AATF: variants seen among roughly 807,000 people sequenced by gnomAD.
AATF encodes the protein apoptosis antagonizing transcription factor.
AATF carries 48 observed loss-of-function variants against 63.7 expected under a neutral mutation model. The ratio of observed to expected loss-of-function variants is 0.75; its 90% CI spans 0.60 to 0.96. The LOEUF (loss-of-function observed/expected upper bound fraction) is 0.96, where lower values mean the gene tolerates loss of function less well. Among genes scored for constraint, AATF ranks in the 40% least tolerant of loss-of-function variants. The pLI, the probability that AATF is intolerant of heterozygous loss-of-function variation, is 0.00. For missense variants in AATF, 639 were observed against 685.7 expected (o/e 0.93, Z 0.76); for synonymous variants, 258 against 247.7 (o/e 1.04, Z -0.39).
At position 36,970,537 on chromosome 17, in the gene AATF, T is replaced by TC. The variant is rs201835590; in HGVS notation, c.833-16080_833-16079insC. 2.3e-3 allele frequency among the ~76,000 whole-genome samples: 214 copies of TC among 93,208 alleles called. 1 individual carries two copies. The highest frequency in any genetic ancestry group is 0.014 in the African/African-American group (210 of 15,056). 61.1% of individuals were successfully genotyped at this position (93,208 alleles called of 152,430 possible). ...AGAATGGATAGTTTCTTTCTTTCTT[T>TC]TTTCTTTTTTTTTTTTTTTTTAAGA... On this transcript the variant is annotated intron_variant, in intron 4 of 11. Transcript: ENST00000619387.
At chr17:36,952,801 G>A (rs1394072963) in intron 2 of AATF, 85 bp from the exon 3 acceptor site, 4 of 1,522,310 alleles carry the variant, frequency 2.6e-6, no homozygotes, top group Middle Eastern at 4.7e-4. Context: ...TGATGCCACA[G>A]TGCTTAAGTT....
intron 11 of AATF, chr17:37,045,677 AC>A (rs2071683831): frequency 6.6e-6 from 1 of 152,308 alleles, no homozygotes; most frequent in Non-Finnish European, 1.5e-5. Flanking sequence ...GGGAAACACA[AC>A]TGTACAGCCA....
Position 37,029,928 on chromosome 17 carries a change from C to T in AATF, c.1548-1686C>T, listed in dbSNP as rs2071540136. On this transcript the variant is annotated intron_variant, in intron 10 of 11. Transcript: ENST00000619387. ...ATGTTGCCCAGGCTGGTCTTGAACTCCTGGGCTCAGGTGATCTTCTGCCTG... is the reference window on the plus strand; with the variant it reads ...ATGTTGCCCAGGCTGGTCTTGAACTTCTGGGCTCAGGTGATCTTCTGCCTG... 2.0e-5 allele frequency among the ~76,000 whole-genome samples: 3 copies of T among 152,106 alleles called. No homozygotes were observed. The South Asian group carries it at 6.2e-4, about 32-fold the overall frequency.
At chr17:36,979,004 A>G (rs2071100390) in intron 4 of AATF, among the ~76,000 whole-genome samples, 1 of 152,040 alleles carries the variant, frequency 6.6e-6, no homozygotes, top group African/African-American at 2.4e-5. Context: ...CGAGTTGCAC[A>G]ATAATCACTC....
At chr17:37,029,322 C>T (rs1427348493) in intron 10 of AATF, among the ~76,000 whole-genome samples, 1 of 151,966 alleles carries the variant, frequency 6.6e-6, no homozygotes, top group Non-Finnish European at 1.5e-5. Context: ...CGGCTCACTG[C>T]ACCCTCTGCC....
At chr17:37,017,223 G>T (rs1042374850) in intron 8 of AATF, among the ~76,000 whole-genome samples, 1 of 152,148 alleles carries the variant, frequency 6.6e-6, no homozygotes, top group South Asian at 2.1e-4. Context: ...AACCAGGAAC[G>T]GTTGTTGTAA....
intron 10 of AATF, among the ~76,000 whole-genome samples, chr17:37,025,707 G>A (rs925739243): frequency 6.6e-6 from 1 of 152,166 alleles, no homozygotes; most frequent in Non-Finnish European, 1.5e-5. Context: ...TAGAATTTCT[G>A]TGTAAACTTT....
chr17:36,953,189 A>G lies in AATF; in HGVS notation c.587A>G (p.Asp196Gly), dbSNP rs2070870393. The G allele has an allele frequency of 6.2e-7, 1 of 1,614,108 alleles. No individual in the cohort carries two copies. Among genetic ancestry groups the G allele is most frequent in the African/African-American group, 1.3e-5 (1 of 74,932 alleles). Residue 196 changes from aspartate to glycine, a missense_variant, in exon 3 of 12, where the codon GAC (aspartate) becomes GGC (glycine). By Grantham distance (94) the Asp-to-Gly change is moderately conservative (BLOSUM62 -1). Coordinates refer to ENST00000619387, the MANE Select transcript of AATF (RefSeq NM_012138.4). ...GACTCCCAAGGCGAGAGTGAGGAAG[A>G]CAGGGCTGGAGATAGAAACAGTGAG... ...AEDSQGESEE[D>G]RAGDRNSEDD...
intron 4 of AATF, among the ~76,000 whole-genome samples, chr17:36,982,465 C>T (rs2071134164): frequency 6.6e-6 from 1 of 152,052 alleles, no homozygotes; most frequent in Admixed American, 6.5e-5. Flanking sequence ...GAAATCCTTC[C>T]ACCTCAGCTG....
At chr17:37,034,077 T>C (rs929069225) in intron 11 of AATF, among the ~76,000 whole-genome samples, 1 of 152,208 alleles carries the variant, frequency 6.6e-6, no homozygotes, top group Non-Finnish European at 1.5e-5. Flanking sequence ...ATTACCAGCA[T>C]TGTTCTCCAG....
intron 8 of AATF, among the ~76,000 whole-genome samples, chr17:37,013,068 A>C (rs1490176307): frequency 2.0e-5 from 3 of 152,214 alleles, no homozygotes; most frequent in African/African-American, 7.2e-5. Context: ...TACAGAAGGA[A>C]AATGAATAAG....
At chr17:36,976,827 C>T (rs933022164) in intron 4 of AATF, among the ~76,000 whole-genome samples, 5 of 152,130 alleles carry the variant, frequency 3.3e-5, no homozygotes, top group Admixed American at 3.3e-4. Flanking sequence ...CTTTTATTTT[C>T]TGAGTCTCAG....
intron 11 of AATF, among the ~76,000 whole-genome samples, chr17:37,049,901 G>T (rs571643022): frequency 6.6e-6 from 1 of 152,282 alleles, no homozygotes; most frequent in African/African-American, 2.4e-5. Flanking sequence ...TGTGTTCAGA[G>T]TGCAGGAGAG....
intron 11 of AATF, chr17:37,034,564 A>G (rs960696128): frequency 6.6e-6 from 1 of 152,136 alleles, no homozygotes; most frequent in African/African-American, 2.4e-5. Flanking sequence ...GGCATAGAGA[A>G]TTTTTTAAAC....
chr17:36,984,892 C>T (rs1230991478), intron 4 of AATF, among the ~76,000 whole-genome samples: 1 of 150,968 alleles, frequency 6.6e-6, no homozygotes, highest in Non-Finnish European at 1.5e-5. Context: ...CCCGTCCTGG[C>T]CTCCCACAGT....
At chr17:37,032,626 A>G (rs1352846139) in intron 11 of AATF, among the ~76,000 whole-genome samples, 1 of 152,146 alleles carries the variant, frequency 6.6e-6, no homozygotes, top group East Asian at 1.9e-4. Flanking sequence ...GTGTATGTAT[A>G]TACACTCACA....
chr17:37,012,552 G>A (rs1007056176), intron 8 of AATF, among the ~76,000 whole-genome samples: 7 of 152,208 alleles, frequency 4.6e-5, no homozygotes, highest in Non-Finnish European at 1.0e-4. Context: ...ACTCAGCTAG[G>A]CTAAGTAAGT....
intron 4 of AATF, among the ~76,000 whole-genome samples, chr17:36,978,108 T>G (rs1306592924): frequency 2.0e-5 from 3 of 152,140 alleles, no homozygotes; most frequent in African/African-American, 7.2e-5. Context: ...ATCATGTTAC[T>G]TAGTGTGGCA....
At chr17:36,961,247 A>T (rs4427852) in intron 4 of AATF, among the ~76,000 whole-genome samples, 22,466 of 152,166 alleles carry the variant, frequency 0.15, 5,287 homozygotes, top group African/African-American at 0.5. Context: ...TATTCTAGCT[A>T]TTCACTTGTA....
Sources: allele counts gnomAD v4.1 joint callset (sites outside exome capture counted in the v4.1 genomes callset), GRCh38; gene constraint gnomAD v4.1.1; transcripts MANE v1.5; gene names NCBI Gene and HGNC (gene_info 2026-07-23, HGNC 2026-07-21).